PDE9A: variants seen among roughly 807,000 people sequenced by gnomAD.
PDE9A encodes the protein high affinity cGMP-specific 3',5'-cyclic phosphodiesterase 9A.
PDE9A carries 60 observed loss-of-function variants against 87.4 expected under a neutral mutation model. That is an observed-to-expected ratio of 0.69 (90% CI 0.56 to 0.85). The LOEUF (loss-of-function observed/expected upper bound fraction) is 0.85. PDE9A is among the 40% of genes least tolerant of loss of function. PDE9A has a pLI of 0.00. For synonymous variants in PDE9A, 272 were observed against 279.4 expected (o/e 0.97, Z 0.27); for missense variants, 665 against 779.0 (o/e 0.85, Z 1.74).
intron 1 of PDE9A, among the ~76,000 whole-genome samples, chr21:42,666,850 A>G (rs1368653784): frequency 6.6e-6 from 1 of 152,186 alleles, no homozygotes; most frequent in Non-Finnish European, 1.5e-5. Context: ...TCCCTTCCCC[A>G]TCTTCTGGCC....
Position 42,731,932 on chromosome 21 carries a change from G to A in PDE9A, c.425G>A (p.Gly142Asp), listed in dbSNP as rs2146720110. ...GAGCCCCAGGGCTGCTACCAGGAAG[G>A]CCAGCGCATCCCTCCAGGTAACGGG... ...PREPQGCYQEGQRIPPEREEL... is the reference protein window; with the variant it reads ...PREPQGCYQEDQRIPPEREEL... Residue 142 changes from glycine to aspartate, a missense_variant, in exon 5 of 20, where the codon GGC becomes GAC. Coordinates refer to ENST00000291539, the MANE Select transcript of PDE9A (RefSeq NM_002606.3). 6.2e-7 allele frequency: 1 copy of A among 1,613,880 alleles called. No individual in the cohort carries two copies.
At chr21:42,679,746 C>T (rs1023617060) in intron 1 of PDE9A, among the ~76,000 whole-genome samples, 6 of 152,166 alleles carry the variant, frequency 3.9e-5, no homozygotes, top group Non-Finnish European at 8.8e-5. Context: ...CCTCTGGACC[C>T]GGAAAGGAAA....
At chr21:42,709,938 A>C (rs1344018660) in intron 4 of PDE9A, among the ~76,000 whole-genome samples, 1 of 152,128 alleles carries the variant, frequency 6.6e-6, no homozygotes, top group African/African-American at 2.4e-5. Context: ...TCGCTCATTC[A>C]TTCTTCTGTG....
chr21:42,748,995 C>T (rs570888194), intron 8 of PDE9A, among the ~76,000 whole-genome samples: 33 of 152,302 alleles, frequency 2.2e-4, no homozygotes, highest in Non-Finnish European at 4.6e-4. Flanking sequence ...GTCCATCATG[C>T]GGAGGCACTG....
chr21:42,737,903 C>A (rs996609839), intron 7 of PDE9A, among the ~76,000 whole-genome samples: 3 of 152,176 alleles, frequency 2.0e-5, no homozygotes, highest in African/African-American at 7.2e-5. Context: ...ATATAAATTT[C>A]TTCATTTCTC....
At chr21:42,746,447 G>A (rs1252696260) in intron 8 of PDE9A, among the ~76,000 whole-genome samples, 1 of 152,202 alleles carries the variant, frequency 6.6e-6, no homozygotes, top group African/African-American at 2.4e-5. Context: ...GCCTCTGGTG[G>A]CTGCCGGCGG....
At chr21:42,772,615 G>T in intron 19 of PDE9A, 95 bp downstream of exon 19, 2 of 882,628 alleles carry the variant, frequency 2.3e-6, no homozygotes, top group South Asian at 1.5e-5. Context: ...CTGAATTTTG[G>T]AATACCTTTA....
intron 4 of PDE9A, among the ~76,000 whole-genome samples, chr21:42,699,896 TTA>T (rs1054770131): frequency 3.3e-4 from 50 of 152,302 alleles, no homozygotes; most frequent in African/African-American, 1.2e-3. Context: ...TCACTTTTAT[TTA>T]TGTGTGATTT....
At chr21:42,769,272 C>T (rs530613142) in intron 17 of PDE9A, 117 bp downstream of exon 17, 16 of 921,932 alleles carry the variant, frequency 1.7e-5, no homozygotes, top group African/African-American at 1.6e-4. Context: ...CACTCATGCA[C>T]ACACGTACAC....
intron 1 of PDE9A, among the ~76,000 whole-genome samples, chr21:42,670,205 A>G (rs367839922): frequency 7.6e-6 from 1 of 131,450 alleles, no homozygotes; most frequent in Non-Finnish European, 1.5e-5. Flanking sequence ...TCACACACAT[A>G]CACTTACATT....
At chr21:42,743,580 T>C (rs1397008084) in intron 7 of PDE9A, among the ~76,000 whole-genome samples, 196 bp from the exon 8 acceptor site, 3 of 152,202 alleles carry the variant, frequency 2.0e-5, no homozygotes, top group African/African-American at 4.8e-5. Context: ...CCTGCGAGGA[T>C]AGAGTCAGTT....
At chr21:42,761,017 G>A in intron 13 of PDE9A, 110 bp downstream of exon 13, 1 of 741,842 alleles carries the variant, frequency 1.3e-6, no homozygotes, top group Non-Finnish European at 2.4e-6. Flanking sequence ...GTCAACGACG[G>A]CCTCCCAGCC....
At chr21:42,674,208 C>T (rs537553823) in intron 1 of PDE9A, among the ~76,000 whole-genome samples, 1 of 152,236 alleles carries the variant, frequency 6.6e-6, no homozygotes, top group East Asian at 1.9e-4. Flanking sequence ...TCCTGGAGCC[C>T]CCAGACACGA....
chr21:42,775,453 G>T lies in PDE9A; in HGVS notation c.*160G>T, dbSNP rs938059625. On this transcript the variant is annotated 3_prime_UTR_variant, in exon 20 of 20. Transcript: ENST00000291539. ...AAAAAAAAAAAAAGGAATTCATGAT[G>T]CTGTACAGAATTTTATTTTTAAACT... 10 of 565,400 alleles carry T rather than the reference G, an allele frequency of 1.8e-5. No individual in the cohort carries two copies. Among genetic ancestry groups the T allele is most frequent in the Non-Finnish European group, 2.5e-5 (8 of 318,118 alleles). The allele number at this position is 565,400 out of a possible 1,614,324, so 35.0% of individuals were successfully genotyped here. A position where few individuals can be genotyped will look rare whatever the true frequency, so the allele number is the denominator to read the frequency against.
At chr21:42,749,763 A>G (rs2054227466) in intron 8 of PDE9A, among the ~76,000 whole-genome samples, 1 of 152,238 alleles carries the variant, frequency 6.6e-6, no homozygotes, top group Non-Finnish European at 1.5e-5. Flanking sequence ...TCTGTGGAGC[A>G]ACTTGGGATG....
chr21:42,754,144 G>A (rs1461160549), intron 10 of PDE9A, 80 bp downstream of exon 10: 14 of 759,700 alleles, frequency 1.8e-5, no homozygotes, highest in Non-Finnish European at 2.7e-5. Context: ...CACCCCCATC[G>A]CTCTTCCTCC....
chr21:42,753,953 C>T (rs765340734), intron 9 of PDE9A, 37 bp from the exon 10 acceptor site: 13 of 1,231,630 alleles, frequency 1.1e-5, no homozygotes, highest in African/African-American at 6.0e-5. Context: ...CACAGGCCCA[C>T]GGCGCCTGGT....
At position 42,726,592 on chromosome 21, in the gene PDE9A, C is replaced by CTATATA. The variant is rs2051062252; in HGVS notation, c.263-5178_263-5177insTATATA. On this transcript the variant is annotated intron_variant, in intron 4 of 19. Transcript: ENST00000291539. ...TATTACTGAATGCCACCACGCCTGGCCATATATATATATATATATATATAT... is the reference window on the plus strand; with the variant it reads ...TATTACTGAATGCCACCACGCCTGGCTATATACATATATATATATATATATATATAT... 9.8e-4 allele frequency among the ~76,000 whole-genome samples: 73 copies of CTATATA among 74,220 alleles called. 8 individuals are homozygous for CTATATA. Among genetic ancestry groups the CTATATA allele is most frequent in the African/African-American group, 5.2e-3 (72 of 13,934 alleles). 48.7% of individuals were successfully genotyped at this position (74,220 alleles called of 152,430 possible). A position where few individuals can be genotyped will look rare whatever the true frequency, so the allele number is the denominator to read the frequency against.
In PDE9A at chr21:42,775,256, C is replaced by T. The variant is rs114937506; in HGVS notation, c.1769-24C>T. ...CGCCCTAATTCTAACAAAAACAAAT[C>T]AGTCATCGTTTCCCTTCTTCCAGGA... On this transcript the variant is annotated intron_variant, in intron 19 of 19. Coordinates refer to ENST00000291539, the MANE Select transcript of PDE9A (RefSeq NM_002606.3). 4,954 of 1,611,580 alleles carry T rather than the reference C, an allele frequency of 3.1e-3. 81 individuals are homozygous for T. The African/African-American group carries it at 0.047, about 15-fold the overall frequency.
Sources: allele counts gnomAD v4.1 joint callset (sites outside exome capture counted in the v4.1 genomes callset), GRCh38; gene constraint gnomAD v4.1.1; transcripts MANE v1.5; gene names NCBI Gene and HGNC (gene_info 2026-07-23, HGNC 2026-07-21).